OPCML: variants seen among roughly 807,000 people sequenced by gnomAD.
OPCML encodes the protein opioid binding protein/cell adhesion molecule like.
OPCML carries 13 observed loss-of-function variants against 37.8 expected under a neutral mutation model. That is an observed-to-expected ratio of 0.34 (90% CI 0.22 to 0.55). OPCML has a LOEUF of 0.55. Ranked by LOEUF, OPCML falls within the 20% of genes least tolerant of loss-of-function variation. The pLI is 0.91. For synonymous variants in OPCML, 176 were observed against 168.8 expected, an observed-to-expected ratio of 1.04 and a Z score of -0.33; for missense variants, 341 against 435.6, an observed-to-expected ratio of 0.78 and a Z score of 1.93.
rs118063371 is a variant in OPCML, at chr11:132,652,847, T to C, written c.379+4240A>G. On this transcript the variant is annotated intron_variant, in intron 3 of 7. Coordinates refer to ENST00000524381, the MANE Select transcript of OPCML (RefSeq NM_001012393.5). Reference sequence around the variant, plus strand: ...GTATCTGCAGGAAGATGCTTTATGATCGCTGTGTTCCTATGCCACTCCAGT... The same window carrying C: ...GTATCTGCAGGAAGATGCTTTATGACCGCTGTGTTCCTATGCCACTCCAGT... Among the ~76,000 whole-genome samples the C allele has an allele frequency of 3.1e-3, 465 of 152,332 alleles. 3 individuals are homozygous for C. Among genetic ancestry groups the C allele is most frequent in the South Asian group, 5.0e-3 (24 of 4,832 alleles).
Position 133,275,236 on chromosome 11 carries a change from A to G in OPCML, c.61+257028T>C, listed in dbSNP as rs137877095. Among the ~76,000 whole-genome samples, 1,273 of 152,312 alleles carry G rather than the reference A, an allele frequency of 8.4e-3. 21 individuals are homozygous for G. The highest frequency in any genetic ancestry group is 0.029 in the African/African-American group (1,198 of 41,562). Reference sequence around the variant, plus strand: ...AAAATATGTATTTCCTGCATAACCTAGATATCTTGTAACAGAAATTCTCAG... The same window carrying G: ...AAAATATGTATTTCCTGCATAACCTGGATATCTTGTAACAGAAATTCTCAG... On this transcript the variant is annotated intron_variant, in intron 1 of 7. Coordinates refer to ENST00000524381, the MANE Select transcript of OPCML (RefSeq NM_001012393.5).
chr11:133,403,300 C>A (rs1945449119), intron 1 of OPCML, among the ~76,000 whole-genome samples: 1 of 152,152 alleles, frequency 6.6e-6, no homozygotes, highest in Non-Finnish European at 1.5e-5. Flanking sequence ...AAATGTTACT[C>A]ATTGATCTTA....
chr11:132,585,415 T>C (rs774742550), intron 3 of OPCML, among the ~76,000 whole-genome samples: 1 of 151,404 alleles, frequency 6.6e-6, no homozygotes, highest in Admixed American at 6.6e-5. Context: ...AAAAAAAAAC[T>C]GGTCTCTTTT....
chr11:132,703,356 C>A (rs929711070), intron 2 of OPCML, among the ~76,000 whole-genome samples: 1 of 152,108 alleles, frequency 6.6e-6, no homozygotes, highest in Non-Finnish European at 1.5e-5. Flanking sequence ...TCTTGTGGGA[C>A]CACCTTTGCA....
chr11:133,159,343 A>C (rs1950110932), intron 1 of OPCML, among the ~76,000 whole-genome samples: 1 of 152,140 alleles, frequency 6.6e-6, no homozygotes, highest in Non-Finnish European at 1.5e-5. Context: ...AGGTTCAGTT[A>C]TGATCCGACA....
chr11:132,484,831 C>A (rs1360275365), intron 4 of OPCML, among the ~76,000 whole-genome samples: 1 of 152,086 alleles, frequency 6.6e-6, no homozygotes, highest in African/African-American at 2.4e-5. Flanking sequence ...AAAAACCAAA[C>A]GCTGCATATT....
chr11:133,518,483 T>A (rs1948332462), intron 1 of OPCML, among the ~76,000 whole-genome samples: 1 of 151,328 alleles, frequency 6.6e-6, no homozygotes, highest in African/African-American at 2.4e-5. Context: ...GCATGGATGT[T>A]TGTGTATAAG....
intron 1 of OPCML, among the ~76,000 whole-genome samples, chr11:132,958,752 A>G (rs1368797354): frequency 6.6e-6 from 1 of 152,254 alleles, no homozygotes. Context: ...GGATGACAGC[A>G]TAACTGTTTA....
At chr11:132,744,383 C>T (rs1161676887) in intron 2 of OPCML, among the ~76,000 whole-genome samples, 1 of 152,188 alleles carries the variant, frequency 6.6e-6, no homozygotes, top group African/African-American at 2.4e-5. Flanking sequence ...ACTTTTAGGA[C>T]ATCATTCCAG....
At chr11:132,995,615 T>A (rs143019582) in intron 1 of OPCML, among the ~76,000 whole-genome samples, 20 of 152,226 alleles carry the variant, frequency 1.3e-4, no homozygotes, top group Admixed American at 3.3e-4. Context: ...ATGCCAAAAA[T>A]CTACCTTCAA....
At chr11:132,932,947 G>A (rs1353501909) in intron 2 of OPCML, among the ~76,000 whole-genome samples, 2 of 151,764 alleles carry the variant, frequency 1.3e-5, no homozygotes, top group South Asian at 2.1e-4. Context: ...ACCAGAGTTG[G>A]GATTCAAAAT....
At chr11:133,022,037 A>G (rs1947465250) in intron 1 of OPCML, among the ~76,000 whole-genome samples, 1 of 152,216 alleles carries the variant, frequency 6.6e-6, no homozygotes, top group South Asian at 2.1e-4. Flanking sequence ...CCTACAAGGT[A>G]TTCAGCCAGT....
intron 1 of OPCML, among the ~76,000 whole-genome samples, chr11:133,237,047 G>A (rs1437952370): frequency 6.6e-6 from 1 of 152,130 alleles, no homozygotes; most frequent in African/African-American, 2.4e-5. Flanking sequence ...TTACAGCACC[G>A]AGGAACAAAC....
intron 3 of OPCML, among the ~76,000 whole-genome samples, chr11:132,653,278 T>A (rs928405058): frequency 1.3e-5 from 2 of 152,204 alleles, no homozygotes; most frequent in Non-Finnish European, 2.9e-5. Flanking sequence ...TGCTCTCAGT[T>A]TCCTGTGGAC....
intron 2 of OPCML, among the ~76,000 whole-genome samples, chr11:132,799,884 T>G (rs1436641174): frequency 6.6e-6 from 1 of 152,194 alleles, no homozygotes; most frequent in Non-Finnish European, 1.5e-5. Context: ...CTTAGTCACT[T>G]GTAAAGTTCA....
intron 1 of OPCML, among the ~76,000 whole-genome samples, chr11:132,999,944 A>T (rs10894635): frequency 6.6e-6 from 1 of 152,046 alleles, no homozygotes; most frequent in African/African-American, 2.4e-5. Context: ...GCCTGCTTGC[A>T]CTCAGCCCAC....
At position 133,205,194 on chromosome 11, in the gene OPCML, G is replaced by A. The variant is rs1054981351; in HGVS notation, c.62-262184C>T. On this transcript the variant is annotated intron_variant, in intron 1 of 7. Transcript: ENST00000524381. The surrounding 1 kb of genome is among the most constrained non-coding windows in gnomAD (Gnocchi z 4.8). ...TAATCAATTATGGCAACCTAATGAA[G>A]CTTTGATAAAAAACCCAAAAGGCAG... 1.3e-5 allele frequency among the ~76,000 whole-genome samples: 2 copies of A among 151,992 alleles called. No individual in the cohort carries two copies. The highest frequency in any genetic ancestry group is 2.9e-5 in the Non-Finnish European group (2 of 68,010).
chr11:132,646,081 G>A (rs1043518527), intron 3 of OPCML, among the ~76,000 whole-genome samples: 10 of 152,120 alleles, frequency 6.6e-5, no homozygotes, highest in African/African-American at 2.4e-4. Flanking sequence ...AGAGTGGAAA[G>A]GGTGGGAGGG....
At chr11:132,951,247 T>G (rs12789836) in intron 1 of OPCML, among the ~76,000 whole-genome samples, 21,927 of 152,202 alleles carry the variant, frequency 0.14, 1,769 homozygotes, top group Admixed American at 0.22. Context: ...AACAAAATAC[T>G]GCAGACTAGG....
Sources: allele counts gnomAD v4.1 joint callset (sites outside exome capture counted in the v4.1 genomes callset), GRCh38; gene constraint gnomAD v4.1.1; non-coding constraint Gnocchi (gnomAD v3.1); transcripts MANE v1.5; gene names NCBI Gene and HGNC (gene_info 2026-07-23, HGNC 2026-07-21).